The following POFUT4 variants were observed in gnomAD, a reference collection of about 807,000 sequenced individuals.
POFUT4 encodes GDP-fucose protein O-fucosyltransferase 4.
the POFUT4 span, chr10:73,779,258 TA>T: frequency 9.2e-3 from 1,259 of 136,828 alleles, 1 homozygote; most frequent in Middle Eastern, 0.027. Context: ...GACCTCTGTC[TA>T]AAAAAAAAAA....
chr10:73,772,479 C>T, the POFUT4 span: 14 of 1,548,964 alleles, frequency 9.0e-6, no homozygotes, highest in Admixed American at 1.9e-5. Flanking sequence ...GTTTTCCGGC[C>T]GCCCTCGGCG....
chr10:73,772,652 C>G, the POFUT4 span: 1 of 1,555,702 alleles, frequency 6.4e-7, no homozygotes. Context: ...CGTGGCGTCC[C>G]GGAACCGCCG....
the POFUT4 span, chr10:73,773,145 C>T: frequency 1.1e-5 from 16 of 1,507,340 alleles, no homozygotes; most frequent in South Asian, 1.6e-4. Context: ...GTGTCCAGGC[C>T]TCCAGGGCCG....
chr10:73,773,770 CCA>C, the POFUT4 span: 1 of 1,601,302 alleles, frequency 6.2e-7, no homozygotes, highest in South Asian at 1.1e-5. Context: ...TGCCCAGTGC[CCA>C]CACCTGGCTT....
chr10:73,776,454 G>GTC, the POFUT4 span, among the ~76,000 whole-genome samples: 2 of 151,894 alleles, frequency 1.3e-5, no homozygotes, highest in East Asian at 3.9e-4. Flanking sequence ...CACTTTGGGA[G>GTC]GCCGAGGAGA....
At chr10:73,774,506 G>T in the POFUT4 span, 1 of 152,006 alleles carries the variant, frequency 6.6e-6, no homozygotes. Context: ...ATATTGACCA[G>T]CCTGGACAAT....
chr10:73,777,928 T>G, the POFUT4 span, among the ~76,000 whole-genome samples: 1 of 150,830 alleles, frequency 6.6e-6, no homozygotes, highest in Non-Finnish European at 1.5e-5. Flanking sequence ...GGCGTGATTT[T>G]GGCTCACTGC....
chr10:73,778,416 T>C, the POFUT4 span, among the ~76,000 whole-genome samples: 2 of 147,154 alleles, frequency 1.4e-5, no homozygotes, highest in South Asian at 4.3e-4. Flanking sequence ...AAAAAAAGCT[T>C]AGTCAGATTT....
chr10:73,775,839 G>T, the POFUT4 span: 2 of 761,372 alleles, frequency 2.6e-6, no homozygotes, highest in Non-Finnish European at 4.2e-6. Flanking sequence ...TTATCTTAAT[G>T]ATGAGTAGCC....
At chr10:73,772,639 G>A in the POFUT4 span, 6 of 1,555,808 alleles carry the variant, frequency 3.9e-6, no homozygotes, top group African/African-American at 2.7e-5. Context: ...CGCGCGGCGC[G>A]TGCGTGGCGT....
the POFUT4 span, among the ~76,000 whole-genome samples, chr10:73,776,383 A>AT: frequency 7.6e-3 from 1,052 of 138,372 alleles, 14 homozygotes; most frequent in East Asian, 0.052. Context: ...CCCAGCCCTA[A>AT]TTTTTTTTTT....
At chr10:73,779,075 A>T in the POFUT4 span, 19 of 123,702 alleles carry the variant, frequency 1.5e-4, no homozygotes, top group Admixed American at 8.7e-4. Flanking sequence ...TCCAGAAACT[A>T]AAAAAAAAAA....
chr10:73,775,055 C>T, the POFUT4 span: 1 of 222,158 alleles, frequency 4.5e-6, no homozygotes, highest in Admixed American at 5.1e-5. Context: ...ATATGATTTA[C>T]TAGAGGAAAA....
chr10:73,775,537 TC>T, the POFUT4 span: 38 of 1,614,086 alleles, frequency 2.4e-5, no homozygotes, highest in Non-Finnish European at 3.0e-5. Context: ...TTTTGATATT[TC>T]AGTTGGAAAG....
chr10:73,773,961 TGGG>T, the POFUT4 span: 22 of 887,016 alleles, frequency 2.5e-5, no homozygotes, highest in South Asian at 5.8e-5. Context: ...ACAGTCTAGT[TGGG>T]GGGATAAGAC....
chr10:73,775,723 G>A, the POFUT4 span: 3 of 1,608,570 alleles, frequency 1.9e-6, no homozygotes. Flanking sequence ...CGGAGCTAAG[G>A]AGATCTTATT....
the POFUT4 span, among the ~76,000 whole-genome samples, chr10:73,777,329 AG>A: frequency 1.3e-5 from 2 of 151,310 alleles, no homozygotes; most frequent in African/African-American, 4.8e-5. Flanking sequence ...AAAAAAATCC[AG>A]GAAAAAAAGT....
chr10:73,773,067 G>C, the POFUT4 span: 1 of 1,549,460 alleles, frequency 6.5e-7, no homozygotes, highest in East Asian at 2.3e-5. Context: ...CCGGAGGGAA[G>C]GAAAAGGAGA....
chr10:73,780,197 G>A, the POFUT4 span: 1 of 152,210 alleles, frequency 6.6e-6, no homozygotes, highest in Non-Finnish European at 1.5e-5. Context: ...TACTGCAAGT[G>A]TTATTTTCTA....
Sources: allele counts gnomAD v4.1 joint callset (sites outside exome capture counted in the v4.1 genomes callset), GRCh38; gene constraint gnomAD v4.1.1; transcripts MANE v1.5; gene names NCBI Gene and HGNC (gene_info 2026-07-23, HGNC 2026-07-21).